ZC3H3: variants seen among roughly 807,000 people sequenced by gnomAD.
ZC3H3 encodes the protein zinc finger CCCH domain-containing protein 3.
A neutral mutation model predicts 77.3 loss-of-function variants in ZC3H3; 36 were observed. The observed-to-expected ratio is 0.47, with a 90% CI of 0.36 to 0.61. ZC3H3 has a LOEUF of 0.61. Ranked by LOEUF, ZC3H3 falls within the 20% of genes least tolerant of loss-of-function variation. ZC3H3 has a pLI of 0.00. For synonymous variants in ZC3H3, 626 were observed against 555.2 expected (o/e 1.13, Z -1.79); for missense variants, 1,331 against 1,312.2 (o/e 1.01, Z -0.22).
intron 4 of ZC3H3, among the ~76,000 whole-genome samples, chr8:143,486,071 G>T (rs1171099002): frequency 6.6e-6 from 1 of 152,224 alleles, no homozygotes; most frequent in African/African-American, 2.4e-5. Flanking sequence ...ACAAACGAGG[G>T]CTACCAGCAC....
Position 143,462,072 on chromosome 8 carries a change from C to A in ZC3H3, c.2307+3645G>T, listed in dbSNP as rs536609943. Reference sequence around the variant, plus strand: ...CATGAAGAAAAACTAAGTGAGGCCCCACCTCACACAACACGCAAATGAAGA... The same window carrying A: ...CATGAAGAAAAACTAAGTGAGGCCCAACCTCACACAACACGCAAATGAAGA... On this transcript the variant is annotated intron_variant, in intron 9 of 11. Transcript: ENST00000262577. The surrounding 1 kb of genome is among the most constrained non-coding windows in gnomAD (Gnocchi z 4.7). Among the ~76,000 whole-genome samples the A allele has an allele frequency of 4.6e-5, 7 of 152,154 alleles. No individual in the cohort carries two copies. The East Asian group carries it at 9.7e-4, about 21-fold the overall frequency.
At chr8:143,535,003 C>T (rs987454185) in intron 3 of ZC3H3, among the ~76,000 whole-genome samples, 2 of 152,068 alleles carry the variant, frequency 1.3e-5, no homozygotes, top group Non-Finnish European at 2.9e-5. Flanking sequence ...CCAGCTCCTT[C>T]CAGAGCCGTC....
chr8:143,444,736 G>A (rs760335249), intron 9 of ZC3H3, among the ~76,000 whole-genome samples: 4 of 152,148 alleles, frequency 2.6e-5, no homozygotes, highest in African/African-American at 7.2e-5. Flanking sequence ...ACAGGGTTTC[G>A]TAAAAGATAA....
chr8:143,463,472 C>T lies in ZC3H3; in HGVS notation c.2307+2245G>A, dbSNP rs761624160. Among the ~76,000 whole-genome samples, 72 of 152,328 alleles carry T rather than the reference C, an allele frequency of 4.7e-4. No individual in the cohort carries two copies. The Middle Eastern group carries it at 0.017, about 36-fold the overall frequency. On this transcript the variant is annotated intron_variant, in intron 9 of 11. Coordinates refer to ENST00000262577, the MANE Select transcript of ZC3H3 (RefSeq NM_015117.3). The stretch of plus-strand genomic sequence containing the variant: ...ACGGCAATGGACACAGCCGGACACA[C>T]CCGTGGACAAACAGGCGAGCGGTGA...
Position 143,486,776 on chromosome 8 carries a change from C to G in ZC3H3, c.1716-11191G>C, listed in dbSNP as rs1325072132. ...CACGACCCCATCACCACGAAGCTCA[C>G]ACACAGAACAGCACCCGCTACACGA... is the stretch of plus-strand genomic sequence containing the variant. On this transcript the variant is annotated intron_variant, in intron 4 of 11. Coordinates refer to ENST00000262577, the MANE Select transcript of ZC3H3 (RefSeq NM_015117.3). Among the ~76,000 whole-genome samples the G allele has an allele frequency of 4.7e-3, 593 of 125,068 alleles. 6 individuals carry two copies. Among genetic ancestry groups the G allele is most frequent in the Admixed American group, 0.038 (452 of 11,948 alleles). The allele number at this position is 125,068 out of a possible 152,430, so 82.0% of individuals were successfully genotyped here.
chr8:143,446,320 G>A (rs866066940), intron 9 of ZC3H3, among the ~76,000 whole-genome samples: 7 of 152,142 alleles, frequency 4.6e-5, no homozygotes, highest in Admixed American at 6.5e-5. Flanking sequence ...AACTATGTCC[G>A]TTAAAATCAA....
intron 3 of ZC3H3, chr8:143,523,611 G>A: frequency 1.1e-6 from 1 of 900,210 alleles, no homozygotes; most frequent in Non-Finnish European, 1.3e-6. Context: ...TCCGTTTGAG[G>A]ACCCCTGTCC....
At chr8:143,514,574 G>A (rs750632234) in intron 3 of ZC3H3, among the ~76,000 whole-genome samples, 1 of 152,256 alleles carries the variant, frequency 6.6e-6, no homozygotes, top group Admixed American at 6.5e-5. Context: ...TCCCGATCCT[G>A]TGGCTCTCGC....
At position 143,494,205 on chromosome 8, in the gene ZC3H3, C is replaced by T. The variant is rs1165321183; in HGVS notation, c.1715+13541G>A. On this transcript the variant is annotated intron_variant, in intron 4 of 11. Coordinates refer to ENST00000262577, the MANE Select transcript of ZC3H3 (RefSeq NM_015117.3). The surrounding 1 kb of genome is among the most constrained non-coding windows in gnomAD (Gnocchi z 5.3). ...TGCCCACCCACACCCCACACAGAGG[C>T]CCAGAGCGCCCTGGACCCAGCTTCA... is the stretch of plus-strand genomic sequence containing the variant. 2.6e-5 allele frequency among the ~76,000 whole-genome samples: 4 copies of T among 152,208 alleles called. No individual in the cohort carries two copies. Among genetic ancestry groups the T allele is most frequent in the African/African-American group, 9.6e-5 (4 of 41,454 alleles).
intron 9 of ZC3H3, among the ~76,000 whole-genome samples, chr8:143,456,113 A>G (rs1229598410): frequency 6.6e-6 from 1 of 152,126 alleles, no homozygotes. Context: ...GGGATCTTGG[A>G]ATGTATCCCC....
rs369567039 is a variant in ZC3H3 at position 143,468,668 on chromosome 8, G to A, written c.1904-9C>T. ...TGCAGGATCCAGCCGGCCTGTGGGG[G>A]AGAGAGGCACGGGTCATAGCAGGCC... On this transcript the variant is annotated splice_polypyrimidine_tract_variant and intron_variant, in intron 5 of 11. Coordinates refer to ENST00000262577, the MANE Select transcript of ZC3H3 (RefSeq NM_015117.3). 1.1e-4 allele frequency: 168 copies of A among 1,549,014 alleles called. No individual in the cohort carries two copies. The African/African-American group carries it at 2.0e-3, about 18-fold the overall frequency.
rs556225477 is a variant in ZC3H3 at position 143,465,159 on chromosome 8, A to G, written c.2307+558T>C. 1.5e-3 allele frequency among the ~76,000 whole-genome samples: 229 copies of G among 152,150 alleles called. 1 individual carries two copies. Among genetic ancestry groups the G allele is most frequent in the African/African-American group, 5.2e-3 (216 of 41,492 alleles). On this transcript the variant is annotated intron_variant, in intron 9 of 11. Coordinates refer to ENST00000262577, the MANE Select transcript of ZC3H3 (RefSeq NM_015117.3). The stretch of plus-strand genomic sequence containing the variant: ...CCATCAGCTACAGCCCAGGTCCCCA[A>G]TTCTCCACCCAGCAGTGGTGCCCCG...
intron 4 of ZC3H3, among the ~76,000 whole-genome samples, chr8:143,477,956 G>A (rs995696229): frequency 6.6e-6 from 1 of 152,236 alleles, no homozygotes; most frequent in Non-Finnish European, 1.5e-5. Context: ...GCTCCCGGGA[G>A]CCCCCAGCTC....
rs1822887749 is a variant in ZC3H3 at position 143,538,563 on chromosome 8, G to A, written c.804C>T (p.Gly268=). 5 of 1,611,196 alleles carry A rather than the reference G, an allele frequency of 3.1e-6. No individual in the cohort carries two copies. Among genetic ancestry groups the A allele is most frequent in the Non-Finnish European group, 4.2e-6 (5 of 1,180,024 alleles). The change falls in exon 2 of 12, where the codon GGC becomes GGT. Residue 268 remains glycine, a synonymous_variant. Transcript: ENST00000262577. ...CAGACGGAACTGGCTGATCTGTGTG[G>A]CCAGCATCTACTCTCCTGTCCCCAA... The part of the protein sequence containing the change: ...QLLGDRRVDA[G]HTDQPVPSGS...
At chr8:143,471,027 C>T (rs908449815) in intron 5 of ZC3H3, among the ~76,000 whole-genome samples, 11 of 152,188 alleles carry the variant, frequency 7.2e-5, no homozygotes, top group Admixed American at 1.3e-4. Context: ...CTCTGCAAGG[C>T]AAGCGGGGTG....
At chr8:143,442,832 C>T (rs561372748) in intron 9 of ZC3H3, among the ~76,000 whole-genome samples, 8 of 152,300 alleles carry the variant, frequency 5.3e-5, no homozygotes, top group African/African-American at 1.9e-4. Context: ...AAACATGATT[C>T]CATCTGCTTT....
chr8:143,475,559 G>A lies in ZC3H3; in HGVS notation c.1742C>T (p.Pro581Leu). 6.2e-7 allele frequency: 1 copy of A among 1,605,624 alleles called. No individual in the cohort carries two copies. The highest frequency in any genetic ancestry group is 8.5e-7 in the Non-Finnish European group (1 of 1,176,614). Residue 581 changes from proline (P) to leucine (L), a missense_variant, in exon 5 of 12, where the codon CCA becomes CTA. Physicochemically the swap from Pro to Leu is moderately conservative, Grantham distance 98. Around this residue, in one of 3 missense-constraint regions of ZC3H3, gnomAD observed 978 missense variants for 915.5 expected, o/e 1.07. Transcript: ENST00000262577. ...SRSLVLNRLR[P>L]VASGGGKAQP... Reference sequence around the variant, plus strand: ...GGCTTTCCCACCCCCGCTGGCAACTGGACGCAGGCGGTTCAGCACCAGGGA... The same window carrying A: ...GGCTTTCCCACCCCCGCTGGCAACTAGACGCAGGCGGTTCAGCACCAGGGA...
intron 9 of ZC3H3, among the ~76,000 whole-genome samples, chr8:143,455,177 G>A (rs1820083215): frequency 6.6e-6 from 1 of 152,100 alleles, no homozygotes; most frequent in African/African-American, 2.4e-5. Context: ...AGCTGGGTGT[G>A]GTGGCGGGGG....
At chr8:143,474,140 C>T (rs550739966) in intron 5 of ZC3H3, among the ~76,000 whole-genome samples, 5 of 152,126 alleles carry the variant, frequency 3.3e-5, no homozygotes, top group East Asian at 3.9e-4. Flanking sequence ...TGAGACCACA[C>T]GCACAAATCA....
Sources: allele counts gnomAD v4.1 joint callset (sites outside exome capture counted in the v4.1 genomes callset), GRCh38; gene constraint gnomAD v4.1.1; regional missense constraint gnomAD v4.1.1; non-coding constraint Gnocchi (gnomAD v3.1); transcripts MANE v1.5; gene names NCBI Gene and HGNC (gene_info 2026-07-23, HGNC 2026-07-21).